The following KSR2 variants were observed in gnomAD, a reference collection of about 807,000 sequenced individuals.
The protein encoded by KSR2 is kinase suppressor of ras 2.
A neutral mutation model predicts 107.8 loss-of-function variants in KSR2; 25 were observed. The ratio of observed to expected loss-of-function variants is 0.23; its 90% CI spans 0.17 to 0.32. The LOEUF (loss-of-function observed/expected upper bound fraction) is 0.32. Among genes scored for constraint, KSR2 ranks in the 10% least tolerant of loss-of-function variants. The pLI, the probability that KSR2 is intolerant of heterozygous loss-of-function variation, is 1.00. For missense variants in KSR2, 887 were observed against 1,268.9 expected (o/e 0.70, Z 4.57); for synonymous variants, 480 against 507.0 (o/e 0.95, Z 0.71).
At chr12:117,936,527 T>TAGTAGTAGTAG (rs1566089596) in intron 1 of KSR2, among the ~76,000 whole-genome samples, 258 of 119,574 alleles carry the variant, frequency 2.2e-3, no homozygotes, top group Middle Eastern at 0.012. Context: ...ATTATTATTA[T>TAGTAGTAGTAG]TATTATTAGT....
intron 19 of KSR2, among the ~76,000 whole-genome samples, chr12:117,469,031 T>C (rs991822249): frequency 6.6e-6 from 1 of 152,104 alleles, no homozygotes; most frequent in Non-Finnish European, 1.5e-5. Context: ...CCTTTTACCT[T>C]CTAGAGAGCT....
At chr12:117,781,051 T>A (rs1889868183) in intron 3 of KSR2, among the ~76,000 whole-genome samples, 1 of 152,154 alleles carries the variant, frequency 6.6e-6, no homozygotes, top group African/African-American at 2.4e-5. Flanking sequence ...GAGAGGTAAT[T>A]AAATCATGGG....
At chr12:117,820,994 G>A (rs539606242) in intron 3 of KSR2, among the ~76,000 whole-genome samples, 32 of 152,268 alleles carry the variant, frequency 2.1e-4, no homozygotes, top group Middle Eastern at 6.8e-3. Flanking sequence ...AACCAGACAG[G>A]TCTAGGTTCA....
chr12:117,709,406 T>C (rs1363046031), intron 4 of KSR2, among the ~76,000 whole-genome samples: 1 of 152,118 alleles, frequency 6.6e-6, no homozygotes, highest in Admixed American at 6.6e-5. Flanking sequence ...CAATCATAGC[T>C]CACTACTCCC....
At chr12:117,772,007 AAC>A (rs1889474991) in intron 3 of KSR2, among the ~76,000 whole-genome samples, 1 of 146,254 alleles carries the variant, frequency 6.8e-6, no homozygotes, top group Non-Finnish European at 1.5e-5. Context: ...AAGATGCACA[AAC>A]ACACACTCAC....
Position 117,878,346 on chromosome 12 carries a change from C to T in KSR2, c.181-17915G>A, listed in dbSNP as rs190730960. Among the ~76,000 whole-genome samples the T allele has an allele frequency of 1.7e-3, 253 of 152,262 alleles. 1 individual carries two copies. Among genetic ancestry groups the T allele is most frequent in the African/African-American group, 5.7e-3 (237 of 41,546 alleles). On this transcript the variant is annotated intron_variant, in intron 1 of 19. Coordinates refer to ENST00000339824, the MANE Select transcript of KSR2 (RefSeq NM_173598.6). Reference sequence around the variant, plus strand: ...CCCACATAACACACACACTACCTGCCCCCTCTTAATCATTCACCGGGGGCC... The same window carrying T: ...CCCACATAACACACACACTACCTGCTCCCTCTTAATCATTCACCGGGGGCC...
At chr12:117,802,231 G>T (rs997260741) in intron 3 of KSR2, among the ~76,000 whole-genome samples, 1 of 151,942 alleles carries the variant, frequency 6.6e-6, no homozygotes, top group African/African-American at 2.4e-5. Flanking sequence ...CTCCCAAGCC[G>T]TTGGTGTAGC....
intron 1 of KSR2, among the ~76,000 whole-genome samples, chr12:117,941,913 G>C (rs1210254707): frequency 6.6e-6 from 1 of 151,710 alleles, no homozygotes; most frequent in Non-Finnish European, 1.5e-5. Context: ...AGAGTGCTGG[G>C]ATTACAGGCG....
At chr12:117,502,808 A>C (rs1264713911) in intron 14 of KSR2, among the ~76,000 whole-genome samples, 1 of 152,208 alleles carries the variant, frequency 6.6e-6, no homozygotes, top group Non-Finnish European at 1.5e-5. Flanking sequence ...CTGATTTCAC[A>C]GCTTTGTCAA....
chr12:117,889,905 C>G (rs1894289228), intron 1 of KSR2, among the ~76,000 whole-genome samples: 1 of 152,194 alleles, frequency 6.6e-6, no homozygotes, highest in South Asian at 2.1e-4. Flanking sequence ...GAGGTATTCA[C>G]CCCCGAATAT....
intron 5 of KSR2, among the ~76,000 whole-genome samples, chr12:117,664,216 C>T (rs1203844082): frequency 2.7e-5 from 4 of 150,806 alleles, no homozygotes; most frequent in East Asian, 1.9e-4. Context: ...ATGTCCTTCT[C>T]GCAGCCCACT....
rs376261140 is a variant in KSR2 at position 117,467,220 on chromosome 12, G to T, written c.2847-15C>A. Reference sequence around the variant, plus strand: ...AAGGTCACAGCCTGGAGTGGGGAGAGAAGGGAGAGAGTGGTGAGAGGTCAC... The same window carrying T: ...AAGGTCACAGCCTGGAGTGGGGAGATAAGGGAGAGAGTGGTGAGAGGTCAC... On this transcript the variant is annotated splice_polypyrimidine_tract_variant and intron_variant, in intron 19 of 19. Coordinates refer to ENST00000339824, the MANE Select transcript of KSR2 (RefSeq NM_173598.6). 1.1e-5 allele frequency: 8 copies of T among 734,176 alleles called. No individual in the cohort carries two copies. The highest frequency in any genetic ancestry group is 2.0e-5 in the Non-Finnish European group (8 of 398,530). 45.5% of individuals were successfully genotyped at this position (734,176 alleles called of 1,614,324 possible). A position where few individuals can be genotyped will look rare whatever the true frequency, so the allele number is the denominator to read the frequency against.
chr12:117,552,891 C>T (rs900175344), intron 9 of KSR2, among the ~76,000 whole-genome samples: 6 of 152,206 alleles, frequency 3.9e-5, no homozygotes, highest in Non-Finnish European at 7.3e-5. Flanking sequence ...TGACTCCAGC[C>T]GTTATCTGTG....
At chr12:117,504,580 G>T (rs966112570) in intron 14 of KSR2, among the ~76,000 whole-genome samples, 2 of 152,126 alleles carry the variant, frequency 1.3e-5, no homozygotes, top group Non-Finnish European at 2.9e-5. Flanking sequence ...GAGATATGGG[G>T]ATCTTAACAA....
intron 3 of KSR2, among the ~76,000 whole-genome samples, chr12:117,767,761 G>C (rs936582526): frequency 1.6e-4 from 24 of 147,858 alleles, no homozygotes; most frequent in Non-Finnish European, 3.0e-4. Context: ...CTCCAGCCTG[G>C]GAGACAGAGC....
intron 4 of KSR2, among the ~76,000 whole-genome samples, chr12:117,739,503 G>GTCAT (rs1888091258): frequency 6.6e-6 from 1 of 152,118 alleles, no homozygotes; most frequent in Admixed American, 6.5e-5. Flanking sequence ...TGCCCAAAAC[G>GTCAT]TCATTATGCA....
rs1565865803 is a variant in KSR2 at position 117,480,021 on chromosome 12, C to CGT, written c.2451-3427_2451-3426insAC. 1.1e-3 allele frequency among the ~76,000 whole-genome samples: 118 copies of CGT among 108,924 alleles called. 1 individual carries two copies. Among genetic ancestry groups the CGT allele is most frequent in the East Asian group, 7.0e-3 (17 of 2,440 alleles). 71.5% of individuals were successfully genotyped at this position (108,924 alleles called of 152,430 possible). On this transcript the variant is annotated intron_variant, in intron 16 of 19. Coordinates refer to ENST00000339824, the MANE Select transcript of KSR2 (RefSeq NM_173598.6). ...GCAATTACTGGACATAATCATTACA[C>CGT]ATGTGTATGTGTGTGTGTGTGTGTG...
Position 117,907,174 on chromosome 12 carries a change from A to T in KSR2, c.181-46743T>A, listed in dbSNP as rs761635819. 6.6e-6 allele frequency among the ~76,000 whole-genome samples: 1 copy of T among 152,158 alleles called. No individual in the cohort carries two copies. Among genetic ancestry groups the T allele is most frequent in the Non-Finnish European group, 1.5e-5 (1 of 68,020 alleles). On this transcript the variant is annotated intron_variant, in intron 1 of 19. Transcript: ENST00000339824. The surrounding 1 kb of genome is among the most constrained non-coding windows in gnomAD (Gnocchi z 4.3). ...AGCTGAAGCTCACGGAGATTAAATT[A>T]CTTGCTTACATGAGCACCGTAAGTA...
intron 14 of KSR2, among the ~76,000 whole-genome samples, chr12:117,519,090 T>C (rs1874572670): frequency 1.3e-5 from 2 of 152,260 alleles, no homozygotes; most frequent in Non-Finnish European, 2.9e-5. Flanking sequence ...GGTCTGGCAC[T>C]GTGCCGGGGT....
Sources: allele counts gnomAD v4.1 joint callset (sites outside exome capture counted in the v4.1 genomes callset), GRCh38; gene constraint gnomAD v4.1.1; non-coding constraint Gnocchi (gnomAD v3.1); transcripts MANE v1.5; gene names NCBI Gene and HGNC (gene_info 2026-07-23, HGNC 2026-07-21).